S100A14: variants seen among roughly 807,000 people sequenced by gnomAD.
S100A14 encodes the protein protein S100-A14.
In S100A14, 6 loss-of-function variants were observed where a neutral mutation model predicts 10.6. The ratio of observed to expected loss-of-function variants is 0.57; its 90% CI spans 0.31 to 1.12. The LOEUF is 1.12. Ranked by LOEUF, S100A14 falls within the 50% of genes most tolerant of loss-of-function variation. The pLI is 0.06. For synonymous variants in S100A14, 51 were observed against 51.0 expected (o/e 1.00, Z 0.00); for missense variants, 121 against 128.7 (o/e 0.94, Z 0.29).
At position 153,614,793 on chromosome 1, in the gene S100A14, G is replaced by T. The variant is rs1666922725; in HGVS notation, c.*92C>A. ...TTTGCAGAGATGAGGACAGGTGCAG[G>T]CTAGGGTACAGGGTGGTGGTAGAGG... is the stretch of plus-strand genomic sequence containing the variant. On this transcript the variant is annotated 3_prime_UTR_variant, in exon 4 of 4. Transcript: ENST00000344616. 3 of 1,454,054 alleles carry T rather than the reference G, an allele frequency of 2.1e-6. No homozygotes were observed. Among genetic ancestry groups the T allele is most frequent in the Admixed American group, 2.0e-5 (1 of 49,602 alleles). The allele number at this position is 1,454,054 out of a possible 1,614,324, so 90.1% of individuals were successfully genotyped here. A position where few individuals can be genotyped will look rare whatever the true frequency, so the allele number is the denominator to read the frequency against.
At chr1:153,615,125 C>T in intron 3 of S100A14, 103 bp from the exon 4 acceptor site, 1 of 1,583,724 alleles carries the variant, frequency 6.3e-7, no homozygotes, top group Admixed American at 1.7e-5. Context: ...CTACCTAGCA[C>T]TGGCAAGGGG....
chr1:153,615,176 C>T lies in S100A14; in HGVS notation c.177+59G>A, dbSNP rs904634748. 54 of 1,602,418 alleles carry T rather than the reference C, an allele frequency of 3.4e-5. 1 individual carries two copies. In the South Asian group the frequency reaches 3.7e-4, roughly 11 times the overall value. ...GCAAGTGCCAGTGTGGGTGGGGTCC[C>T]GGAGCACTTGCTTGGGAAGTCAGGG... On this transcript the variant is annotated intron_variant, in intron 3 of 3. Transcript: ENST00000344616.
chr1:153,614,696 G>C lies in S100A14; in HGVS notation c.*189C>G, dbSNP rs1388830876. The stretch of plus-strand genomic sequence containing the variant: ...GTCCCCTGAGCCTCCCTCTGGTGGA[G>C]ACTCCTCCACCCATGAGCTCCCCAG... On this transcript the variant is annotated 3_prime_UTR_variant, in exon 4 of 4. Transcript: ENST00000344616. The C allele has an allele frequency of 1.6e-6, 1 of 621,214 alleles. No individual in the cohort carries two copies. Among genetic ancestry groups the C allele is most frequent in the Non-Finnish European group, 2.6e-6 (1 of 378,382 alleles). 38.5% of individuals were successfully genotyped at this position (621,214 alleles called of 1,614,324 possible).
chr1:153,615,975 G>C, intron 1 of S100A14, 39 bp from the exon 2 acceptor site: 1 of 983,506 alleles, frequency 1.0e-6, no homozygotes, highest in Non-Finnish European at 1.6e-6. Flanking sequence ...TGAGGAGAGA[G>C]TCTAGCATTT....
Position 153,615,870 on chromosome 1 carries a change from T to C in S100A14, c.-12A>G, listed in dbSNP as rs747949399. On this transcript the variant is annotated 5_prime_UTR_variant, in exon 2 of 4. Coordinates refer to ENST00000344616, the MANE Select transcript of S100A14 (RefSeq NM_020672.3). Reference sequence around the variant, plus strand: ...CGACACTGTCCCATGGTGCCCACTGTGTCTGGTCCTTTGGTGAGAGTTCTG... The same window carrying C: ...CGACACTGTCCCATGGTGCCCACTGCGTCTGGTCCTTTGGTGAGAGTTCTG... The C allele has an allele frequency of 2.5e-6, 4 of 1,613,820 alleles. No homozygotes were observed. In the South Asian group the frequency reaches 3.3e-5, roughly 13 times the overall value.
intron 1 of S100A14, 43 bp from the exon 2 acceptor site, chr1:153,615,979 A>T: frequency 1.0e-6 from 1 of 957,064 alleles, no homozygotes; most frequent in South Asian, 1.4e-5. Flanking sequence ...GAGAGAGTCT[A>T]GCATTTCTTT....
chr1:153,614,806 G>A lies in S100A14; in HGVS notation c.*79C>T, dbSNP rs1666922986. The A allele has an allele frequency of 2.6e-6, 4 of 1,523,402 alleles. No homozygotes were observed. Among genetic ancestry groups the A allele is most frequent in the Non-Finnish European group, 3.6e-6 (4 of 1,119,360 alleles). 94.4% of individuals were successfully genotyped at this position (1,523,402 alleles called of 1,614,324 possible). On this transcript the variant is annotated 3_prime_UTR_variant, in exon 4 of 4. Transcript: ENST00000344616. ...GGACAGGTGCAGGCTAGGGTACAGG[G>A]TGGTGGTAGAGGAGACAAGTTTTAT...
chr1:153,615,123 C>A, intron 3 of S100A14, 101 bp from the exon 4 acceptor site: 1 of 1,583,984 alleles, frequency 6.3e-7, no homozygotes. Flanking sequence ...GGCTACCTAG[C>A]ACTGGCAAGG....
rs377690789 is a variant in S100A14 at position 153,615,839 on chromosome 1, G to T, written c.20C>A (p.Ala7Asp). Residue 7 changes from alanine (A) to aspartate (D), a missense_variant, in exon 2 of 4, where the codon GCC (alanine) becomes GAC (aspartate). Physicochemically the swap from Ala to Asp is moderately radical, Grantham distance 126. Transcript: ENST00000344616. The part of the protein sequence containing the change: MGQCRS[A>D]NAEDAQEFSD... ...AGTGAATGAGCCCACCTCTGCGTTG[G>T]CTGACCGACACTGTCCCATGGTGCC... The T allele has an allele frequency of 6.2e-7, 1 of 1,613,918 alleles. No homozygotes were observed. Among genetic ancestry groups the T allele is most frequent in the Non-Finnish European group, 8.5e-7 (1 of 1,179,904 alleles).
At position 153,615,235 on chromosome 1, in the gene S100A14, C is replaced by A. The variant is rs201980286; in HGVS notation, c.177G>T (p.Pro59=). The A allele has an allele frequency of 6.2e-7, 1 of 1,613,580 alleles. No homozygotes were observed. Among genetic ancestry groups the A allele is most frequent in the Non-Finnish European group, 8.5e-7 (1 of 1,179,854 alleles). The change falls in exon 3 of 4, where the codon CCG becomes CCT. Residue 59 remains proline, a splice_region_variant and synonymous_variant. Transcript: ENST00000344616. The part of the protein sequence containing the change: ...LVTQQLPHLM[P]SNCGLEEKIA... ...GAGGTGGGGTGTGCTCCGTCCATAC[C>A]GGCATGAGATGGGGCAGCTGCTGGG...
chr1:153,614,973 T>A lies in S100A14; in HGVS notation c.227A>T (p.Asp76Val). 1 of 1,613,736 alleles carries A rather than the reference T, an allele frequency of 6.2e-7. No homozygotes were observed. The highest frequency in any genetic ancestry group is 8.5e-7 in the Non-Finnish European group (1 of 1,179,976). The change falls in exon 4 of 4, where the codon GAC becomes GTC. Residue 76 changes from aspartate (D) to valine (V), a missense_variant. Asp to Val is a radical substitution (Grantham distance 152, BLOSUM62 -3). Transcript: ENST00000344616. Reference protein sequence around the residue: ...EKIANLGSCNDSKLEFRSFWE... With the variant: ...EKIANLGSCNVSKLEFRSFWE... ...GAAACTCCTGAACTCCAGTTTAGAG[T>A]CATTGCAGCTGCCCAGGTTGGCAAT...
Position 153,615,837 on chromosome 1 carries a change from T to C in S100A14, c.22A>G (p.Asn8Asp). 6.2e-7 allele frequency: 1 copy of C among 1,613,928 alleles called. No homozygotes were observed. The highest frequency in any genetic ancestry group is 8.5e-7 in the Non-Finnish European group (1 of 1,179,904). The change falls in exon 2 of 4, where the codon AAC (asparagine) becomes GAC (aspartate). Residue 8 changes from asparagine to aspartate, a missense_variant. Transcript: ENST00000344616. The part of the protein sequence containing the change: MGQCRSA[N>D]AEDAQEFSDV... Reference sequence around the variant, plus strand: ...GGAGTGAATGAGCCCACCTCTGCGTTGGCTGACCGACACTGTCCCATGGTG... The same window carrying C: ...GGAGTGAATGAGCCCACCTCTGCGTCGGCTGACCGACACTGTCCCATGGTG...
chr1:153,616,061 G>T, intron 1 of S100A14, 125 bp from the exon 2 acceptor site: 1 of 528,550 alleles, frequency 1.9e-6, no homozygotes, highest in South Asian at 2.7e-5. Context: ...ACACCACATA[G>T]GCCCAGGCCC....
rs929553238 is a variant in S100A14, at chr1:153,615,946, G to A, written c.-78-10C>T. On this transcript the variant is annotated splice_polypyrimidine_tract_variant and intron_variant, in intron 1 of 3. Coordinates refer to ENST00000344616, the MANE Select transcript of S100A14 (RefSeq NM_020672.3). Reference sequence around the variant, plus strand: ...GCTGATGGCTCATGATCTGCTTAGAGGAGGGGGTAGGCCTGAGCTGAGGAG... The same window carrying A: ...GCTGATGGCTCATGATCTGCTTAGAAGAGGGGGTAGGCCTGAGCTGAGGAG... 3.8e-6 allele frequency: 5 copies of A among 1,325,938 alleles called. No homozygotes were observed. Among genetic ancestry groups the A allele is most frequent in the East Asian group, 2.3e-5 (1 of 42,996 alleles). 82.1% of individuals were successfully genotyped at this position (1,325,938 alleles called of 1,614,324 possible). A position where few individuals can be genotyped will look rare whatever the true frequency, so the allele number is the denominator to read the frequency against.
rs780824500 is a variant in S100A14 at position 153,614,739 on chromosome 1, G to C, written c.*146C>G. The C allele has an allele frequency of 5.1e-6, 5 of 971,716 alleles. No individual in the cohort carries two copies. The highest frequency in any genetic ancestry group is 1.7e-5 in the South Asian group (1 of 58,194). 60.2% of individuals were successfully genotyped at this position (971,716 alleles called of 1,614,324 possible). A position where few individuals can be genotyped will look rare whatever the true frequency, so the allele number is the denominator to read the frequency against. ...CTCCCCAGAGCATCCAAGACAGAGT[G>C]CACAGAGACCTGGGGAAGGAAGCTG... is the stretch of plus-strand genomic sequence containing the variant. On this transcript the variant is annotated 3_prime_UTR_variant, in exon 4 of 4. Transcript: ENST00000344616.
rs1438213271 is a variant in S100A14 at position 153,615,260 on chromosome 1, G to A, written c.152C>T (p.Thr51Ile). The change falls in exon 3 of 4, where the codon ACC becomes ATC. Residue 51 changes from threonine to isoleucine, a missense_variant. Coordinates refer to ENST00000344616, the MANE Select transcript of S100A14 (RefSeq NM_020672.3). ...LTPSELRDLV[T>I]QQLPHLMPSN... ...CGGCATGAGATGGGGCAGCTGCTGG[G>A]TGACCAGGTCCCGTAGCTCAGAAGG... The A allele has an allele frequency of 1.9e-6, 3 of 1,613,958 alleles. No homozygotes were observed. The highest frequency in any genetic ancestry group is 1.1e-5 in the South Asian group (1 of 91,082).
intron 2 of S100A14, 93 bp from the exon 3 acceptor site, chr1:153,615,474 G>T: frequency 1.4e-6 from 2 of 1,460,938 alleles, no homozygotes; most frequent in South Asian, 2.6e-5. Context: ...CAGGGCAGAA[G>T]GCAGCTGGAA....
chr1:153,616,102 C>T (rs1373155877), intron 1 of S100A14, 166 bp from the exon 2 acceptor site: 4 of 480,782 alleles, frequency 8.3e-6, no homozygotes, highest in Middle Eastern at 5.7e-4. Context: ...AGGTCATATC[C>T]CCCAGGCCAA....
In S100A14 at chr1:153,615,911, C is replaced by T. The variant is rs1666954416; in HGVS notation, c.-53G>A. 1.9e-6 allele frequency: 3 copies of T among 1,589,912 alleles called. No individual in the cohort carries two copies. Among genetic ancestry groups the T allele is most frequent in the Non-Finnish European group, 2.6e-6 (3 of 1,158,128 alleles). ...GAGAGTTCTGTTGTCCTATAGCTGGCCCCAGAGGAGCTGATGGCTCATGAT... is the reference window on the plus strand; with the variant it reads ...GAGAGTTCTGTTGTCCTATAGCTGGTCCCAGAGGAGCTGATGGCTCATGAT... On this transcript the variant is annotated 5_prime_UTR_variant, in exon 2 of 4. Transcript: ENST00000344616.
Sources: gnomAD v4.1 joint callset for allele counts on GRCh38, gnomAD v4.1.1 for gene constraint, MANE v1.5 for transcripts, NCBI Gene and HGNC (gene_info 2026-07-23, HGNC 2026-07-21) for gene names.